The following ERC1 variants were observed in gnomAD, a reference collection of about 807,000 sequenced individuals.
ERC1 encodes RAB6 interacting protein 2.
A neutral mutation model predicts 132.0 loss-of-function variants in ERC1; 56 were observed. The ratio of observed to expected loss-of-function variants is 0.42; its 90% CI spans 0.34 to 0.53. The LOEUF is 0.53. Ranked by LOEUF, ERC1 falls within the 20% of genes least tolerant of loss-of-function variation. The pLI is 0.03. For missense variants in ERC1, 1,202 were observed against 1,349.9 expected (o/e 0.89, Z 1.72); for synonymous variants, 478 against 476.1 (o/e 1.00, Z -0.05).
chr12:1,482,100 G>C (rs76237389), intron 18 of ERC1, among the ~76,000 whole-genome samples: 1 of 152,142 alleles, frequency 6.6e-6, no homozygotes, highest in Non-Finnish European at 1.5e-5. Context: ...ATGGAATGGC[G>C]GTCTGCTGAG....
intron 2 of ERC1, among the ~76,000 whole-genome samples, chr12:1,078,554 A>G (rs1329542438): frequency 6.6e-6 from 1 of 152,156 alleles, no homozygotes; most frequent in Non-Finnish European, 1.5e-5. Context: ...CAAACCGGAA[A>G]TGATAAAGGA....
intron 13 of ERC1, among the ~76,000 whole-genome samples, chr12:1,238,503 G>A (rs900778735): frequency 3.3e-5 from 5 of 151,964 alleles, no homozygotes; most frequent in African/African-American, 9.7e-5. Flanking sequence ...TGTTTATAGG[G>A]AATTATTTCA....
intron 14 of ERC1, among the ~76,000 whole-genome samples, chr12:1,275,577 A>G (rs1393419581): frequency 1.3e-5 from 2 of 152,168 alleles, no homozygotes; most frequent in East Asian, 1.9e-4. Context: ...GGAGATGGAG[A>G]GGTCTATTTG....
chr12:1,097,202 G>A (rs979892989), intron 3 of ERC1, among the ~76,000 whole-genome samples: 2 of 151,874 alleles, frequency 1.3e-5, no homozygotes, highest in Non-Finnish European at 2.9e-5. Flanking sequence ...TTCTCTCCTG[G>A]TTGTAGGTCA....
intron 8 of ERC1, among the ~76,000 whole-genome samples, chr12:1,160,851 C>G (rs1315116571): frequency 6.6e-6 from 1 of 152,168 alleles, no homozygotes; most frequent in Non-Finnish European, 1.5e-5. Context: ...CTGCCTTGGC[C>G]TCCCAAAGTG....
intron 12 of ERC1, among the ~76,000 whole-genome samples, chr12:1,207,992 C>T (rs182604819): frequency 9.2e-5 from 14 of 152,186 alleles, no homozygotes; most frequent in African/African-American, 2.6e-4. Context: ...CTCAGTAAAA[C>T]GACAGAAACA....
intron 2 of ERC1, among the ~76,000 whole-genome samples, chr12:1,041,716 A>G (rs1485305661): frequency 6.6e-6 from 1 of 152,226 alleles, no homozygotes; most frequent in African/African-American, 2.4e-5. Flanking sequence ...GTCAAGGGTT[A>G]GGAAGTTACA....
chr12:1,434,444 G>A (rs1459725130), intron 17 of ERC1, among the ~76,000 whole-genome samples: 1 of 152,202 alleles, frequency 6.6e-6, no homozygotes, highest in Non-Finnish European at 1.5e-5. Context: ...CTGTGCTTCA[G>A]TCTAGATGTG....
At chr12:1,316,636 G>T (rs1358221085) in intron 15 of ERC1, among the ~76,000 whole-genome samples, 2 of 152,160 alleles carry the variant, frequency 1.3e-5, no homozygotes, top group Non-Finnish European at 2.9e-5. Flanking sequence ...CTGTTGGTGG[G>T]AGTGTAAATT....
At chr12:1,400,342 A>G (rs1453241779) in intron 16 of ERC1, among the ~76,000 whole-genome samples, 2 of 152,224 alleles carry the variant, frequency 1.3e-5, no homozygotes, top group Admixed American at 6.5e-5. Context: ...TATATGATTT[A>G]TAAATATGTT....
At chr12:1,154,340 C>A (rs1951154656) in intron 8 of ERC1, among the ~76,000 whole-genome samples, 2 of 113,424 alleles carry the variant, frequency 1.8e-5, no homozygotes, top group African/African-American at 6.8e-5. Flanking sequence ...TACACACATA[C>A]CCATGTGTGT....
chr12:1,094,884 C>A (rs1431706723), intron 3 of ERC1, among the ~76,000 whole-genome samples: 2 of 152,192 alleles, frequency 1.3e-5, no homozygotes, highest in East Asian at 3.9e-4. Context: ...TTTACCCTCC[C>A]TTCTTTTTTA....
At chr12:1,467,832 G>A (rs903106862) in intron 18 of ERC1, among the ~76,000 whole-genome samples, 10 of 152,204 alleles carry the variant, frequency 6.6e-5, no homozygotes, top group African/African-American at 2.4e-4. Context: ...CTCATAAGGA[G>A]CACGCGGCCT....
At chr12:1,023,389 A>G (rs934619594) in intron 1 of ERC1, among the ~76,000 whole-genome samples, 2 of 151,264 alleles carry the variant, frequency 1.3e-5, no homozygotes, top group African/African-American at 4.8e-5. Context: ...GATGTTGTCC[A>G]CTACCATGTT....
At chr12:1,360,042 C>T (rs1174925393) in intron 15 of ERC1, among the ~76,000 whole-genome samples, 4 of 151,902 alleles carry the variant, frequency 2.6e-5, no homozygotes, top group Non-Finnish European at 5.9e-5. Context: ...ACAGTAAATA[C>T]CAAATGAGCA....
chr12:1,083,394 G>A lies in ERC1; in HGVS notation c.900G>A (p.Gln300=). 6.2e-7 allele frequency: 1 copy of A among 1,614,124 alleles called. No homozygotes were observed. The highest frequency in any genetic ancestry group is 1.7e-4 in the Middle Eastern group (1 of 6,060). ...AGCTGCGTATTGAGACTCAAAAGCA[G>A]ACCCTAAATGCTCGGGATGAATCCA... ...EMELRIETQK[Q]TLNARDESIK... The change falls in exon 3 of 19, where the codon CAG becomes CAA. Residue 300 remains glutamine, a synonymous_variant. Transcript: ENST00000360905.
At chr12:1,409,438 A>G (rs1362054554) in intron 17 of ERC1, among the ~76,000 whole-genome samples, 1 of 152,224 alleles carries the variant, frequency 6.6e-6, no homozygotes, top group Non-Finnish European at 1.5e-5. Context: ...AGAGACAAAC[A>G]GAGAAAGGTT....
rs369157447 is a variant in ERC1 at position 1,393,018 on chromosome 12, A to G, written c.2926-15131A>G. Among the ~76,000 whole-genome samples the G allele has an allele frequency of 2.0e-5, 3 of 152,358 alleles. No homozygotes were observed. The East Asian group carries it at 5.8e-4, about 29-fold the overall frequency. ...GTATAGGAGAAAAAAATGGTATTGG[A>G]GAGTTTGGCCTTATATCATTTGCTT... On this transcript the variant is annotated intron_variant, in intron 16 of 18. Coordinates refer to ENST00000360905, the MANE Select transcript of ERC1 (RefSeq NM_178040.4).
chr12:1,005,008 A>C (rs1043806737), intron 1 of ERC1, among the ~76,000 whole-genome samples: 7 of 152,144 alleles, frequency 4.6e-5, no homozygotes, highest in African/African-American at 7.2e-5. Flanking sequence ...AAGTAAGAAG[A>C]AGCCATGTTT....
Sources: allele counts gnomAD v4.1 joint callset (sites outside exome capture counted in the v4.1 genomes callset), GRCh38; gene constraint gnomAD v4.1.1; transcripts MANE v1.5; gene names NCBI Gene and HGNC (gene_info 2026-07-23, HGNC 2026-07-21).